DHX32: variants seen among roughly 807,000 people sequenced by gnomAD.
DHX32 encodes the protein DEAH-box helicase 32 (putative).
Under a neutral mutation model 70.0 loss-of-function variants are expected in DHX32, and 51 were observed. The observed-to-expected ratio is 0.73, with a 90% CI of 0.58 to 0.92. The LOEUF is 0.92. Ranked by LOEUF, DHX32 falls within the 40% of genes least tolerant of loss-of-function variation. The probability of loss-of-function intolerance (pLI) is 0.00; values close to 1 mark genes in which losing one functional copy is unlikely to be tolerated. For synonymous variants in DHX32, 310 were observed against 315.3 expected (o/e 0.98, Z 0.18); for missense variants, 762 against 891.8 (o/e 0.85, Z 1.85).
chr10:125,872,750 G>A (rs1053394371), intron 1 of DHX32, among the ~76,000 whole-genome samples: 1 of 152,256 alleles, frequency 6.6e-6, no homozygotes, highest in East Asian at 1.9e-4. Context: ...CCAAAGCCCA[G>A]CTGGAACTGA....
upstream of DHX32, among the ~76,000 whole-genome samples, chr10:125,885,147 T>A (rs1297555025): frequency 6.6e-6 from 1 of 151,970 alleles, no homozygotes; most frequent in East Asian, 1.9e-4. Flanking sequence ...ACAAATCTGG[T>A]CCCCCCAATT....
intron 1 of DHX32, among the ~76,000 whole-genome samples, chr10:125,871,621 A>T (rs1172055103): frequency 6.6e-6 from 1 of 152,236 alleles, no homozygotes; most frequent in Non-Finnish European, 1.5e-5. Flanking sequence ...CTCCAGTTTT[A>T]CATGCCTTCT....
Position 125,861,294 on chromosome 10 carries a change from G to A in DHX32, c.477-1319C>T, listed in dbSNP as rs150900597. On this transcript the variant is annotated intron_variant, in intron 2 of 10. Coordinates refer to ENST00000284690, the MANE Select transcript of DHX32 (RefSeq NM_018180.3). ...AGGCGGATCACAAGGTCAGGATATC[G>A]AGACCATCCTGGCTAACGCGGTGAA... 4.2e-3 allele frequency among the ~76,000 whole-genome samples: 643 copies of A among 151,528 alleles called. 34 individuals carry two copies. In the East Asian group the frequency reaches 0.088, roughly 21 times the overall value.
Position 125,888,274 on chromosome 10 carries a change from G to A in DHX32, c.-247-7203C>T, listed in dbSNP as rs1944350986. Among the ~76,000 whole-genome samples, 3 of 150,610 alleles carry A rather than the reference G, an allele frequency of 2.0e-5. No homozygotes were observed. In the South Asian group the frequency reaches 6.2e-4, roughly 31 times the overall value. ...GCTGGAGTGCAGTGGCATGATCATA[G>A]CTCACTGCAGCCTCCAACTTCTGGG... On this transcript the variant is annotated intron_variant, in intron 1 of 2. Transcript: ENST00000415732.
At chr10:125,854,241 C>T (rs1266329991) in intron 3 of DHX32, 38 bp from the exon 4 acceptor site, 7 of 1,535,024 alleles carry the variant, frequency 4.6e-6, no homozygotes, top group Non-Finnish European at 6.1e-6. Flanking sequence ...AAATACAATG[C>T]AAACAACATC....
At position 125,836,605 on chromosome 10, in the gene DHX32, CG is replaced by C. The variant is rs1343839684; in HGVS notation, c.*81del. On this transcript the variant is annotated 3_prime_UTR_variant, in exon 11 of 11. Transcript: ENST00000284690. ...GTCCTGTGGATGTGAAATCCGTCTT[CG>C]CGTCATGTATCTCCCATATCCAGCA... 1.1e-5 allele frequency: 17 copies of C among 1,504,740 alleles called. No homozygotes were observed. The highest frequency in any genetic ancestry group is 1.5e-5 in the Non-Finnish European group (17 of 1,115,038). The allele number at this position is 1,504,740 out of a possible 1,614,324, so 93.2% of individuals were successfully genotyped here. A position where few individuals can be genotyped will look rare whatever the true frequency, so the allele number is the denominator to read the frequency against.
At chr10:125,840,014 T>C (rs780343585) in intron 8 of DHX32, among the ~76,000 whole-genome samples, 2 of 152,250 alleles carry the variant, frequency 1.3e-5, no homozygotes, top group African/African-American at 4.8e-5. Flanking sequence ...CCCTGTTCTT[T>C]ATACAATTCT....
chr10:125,842,150 G>A (rs1854899632), intron 6 of DHX32: 4 of 623,540 alleles, frequency 6.4e-6, no homozygotes, highest in Admixed American at 4.0e-5. Context: ...CTCATGCTCC[G>A]AGGAGGGTCC....
chr10:125,838,244 G>A lies in DHX32; in HGVS notation c.2025C>T (p.Asn675=), dbSNP rs771795482. 24 of 1,612,290 alleles carry A rather than the reference G, an allele frequency of 1.5e-5. No homozygotes were observed. Among genetic ancestry groups the A allele is most frequent in the Middle Eastern group, 3.3e-4 (2 of 6,080 alleles). The stretch of plus-strand genomic sequence containing the variant: ...TTTCTGAGGTAATCCTGATGTAGTT[G>A]TTCTCAGAAATGCTGAATTTATGGA... ...VLFHKFSISE[N]NYIRITSEIS... is the part of the protein sequence containing the mutation. The change falls in exon 10 of 11, where the codon AAC becomes AAT. Residue 675 remains asparagine (N), a synonymous_variant. Coordinates refer to ENST00000284690, the MANE Select transcript of DHX32 (RefSeq NM_018180.3).
At chr10:125,883,751 C>T (rs999423720), upstream of DHX32, among the ~76,000 whole-genome samples, 6 of 152,216 alleles carry the variant, frequency 3.9e-5, no homozygotes, top group Non-Finnish European at 8.8e-5. Flanking sequence ...ACTATACTCA[C>T]AATTTAACTT....
chr10:125,837,126 C>A (rs1854716805), intron 10 of DHX32, among the ~76,000 whole-genome samples: 1 of 152,198 alleles, frequency 6.6e-6, no homozygotes, highest in Non-Finnish European at 1.5e-5. Flanking sequence ...TTAGTGGAAA[C>A]TAGTATTTCC....
chr10:125,837,171 G>C (rs954617037), intron 10 of DHX32, among the ~76,000 whole-genome samples: 2 of 152,154 alleles, frequency 1.3e-5, no homozygotes, highest in Non-Finnish European at 2.9e-5. Flanking sequence ...GGCACCAATC[G>C]TATGCTTAAG....
intron 6 of DHX32, among the ~76,000 whole-genome samples, chr10:125,851,870 A>G (rs1031960625): frequency 4.8e-5 from 7 of 145,838 alleles, no homozygotes; most frequent in African/African-American, 1.8e-4. Flanking sequence ...GCAGTGAGCT[A>G]TGATCACGCC....
chr10:125,886,321 T>C (rs1325109101), intron 1 of DHX32, among the ~76,000 whole-genome samples: 1 of 152,206 alleles, frequency 6.6e-6, no homozygotes, highest in African/African-American at 2.4e-5. Context: ...CTAACCTCTT[T>C]AACTGCTTCA....
intron 4 of DHX32, chr10:125,853,022 C>A: frequency 1.2e-6 from 1 of 830,946 alleles, no homozygotes; most frequent in Non-Finnish European, 1.9e-6. Flanking sequence ...TTCAAATCAA[C>A]CAGGATCTTG....
intron 1 of DHX32, among the ~76,000 whole-genome samples, chr10:125,895,886 G>A (rs535985450): frequency 8.7e-4 from 133 of 152,392 alleles, no homozygotes; most frequent in African/African-American, 2.3e-3. Context: ...CGACAGCGAC[G>A]ACGGCGGCGG....
intron 1 of DHX32, 111 bp from the exon 2 acceptor site, chr10:125,867,294 T>C: frequency 1.1e-6 from 1 of 873,172 alleles, no homozygotes; most frequent in East Asian, 2.7e-5. Context: ...CATCAGTAAA[T>C]CAGCAGTGGG....
intron 6 of DHX32, among the ~76,000 whole-genome samples, chr10:125,842,984 A>G (rs141240943): frequency 0.019 from 2,850 of 152,122 alleles, 35 homozygotes; most frequent in Middle Eastern, 0.034. Flanking sequence ...TTTTGCCATT[A>G]CTTTCAATGG....
chr10:125,859,169 T>G (rs565229198), intron 3 of DHX32, among the ~76,000 whole-genome samples: 1 of 152,110 alleles, frequency 6.6e-6, no homozygotes, highest in South Asian at 2.1e-4. Context: ...GTGGGAAATG[T>G]TGTGTTACTT....
Sources: gnomAD v4.1 joint callset for allele counts (sites outside exome capture counted in the v4.1 genomes callset) on GRCh38, gnomAD v4.1.1 for gene constraint, MANE v1.5 for transcripts, NCBI Gene and HGNC (gene_info 2026-07-23, HGNC 2026-07-21) for gene names.